LRRC7: variants seen among roughly 807,000 people sequenced by gnomAD.
LRRC7 encodes leucine rich repeat containing 7.
LRRC7 carries 23 observed loss-of-function variants against 175.7 expected under a neutral mutation model. The ratio of observed to expected loss-of-function variants is 0.13; its 90% CI spans 0.09 to 0.19. The LOEUF (loss-of-function observed/expected upper bound fraction) is 0.19. Among genes scored for constraint, LRRC7 ranks in the 10% least tolerant of loss-of-function variants. The pLI is 1.00. For synonymous variants in LRRC7, 685 were observed against 680.9 expected, an observed-to-expected ratio of 1.01 and a Z score of -0.09; for missense variants, 1,354 against 1,904.7, an observed-to-expected ratio of 0.71 and a Z score of 5.38.
chr1:70,066,668 A>G (rs949237739), intron 23 of LRRC7, among the ~76,000 whole-genome samples: 36 of 152,086 alleles, frequency 2.4e-4, no homozygotes, highest in Non-Finnish European at 7.4e-5. Context: ...TATGGCTACT[A>G]TGAAGAAAAT....
chr1:69,937,571 C>A (rs944529788), intron 8 of LRRC7, among the ~76,000 whole-genome samples: 1 of 151,940 alleles, frequency 6.6e-6, no homozygotes, highest in Non-Finnish European at 1.5e-5. Flanking sequence ...TTGTAAAAAT[C>A]TGTACTCATT....
intron 3 of LRRC7, among the ~76,000 whole-genome samples, chr1:69,785,836 G>GA (rs1434895858): frequency 6.6e-6 from 1 of 152,022 alleles, no homozygotes; most frequent in Non-Finnish European, 1.5e-5. Context: ...CAACAATTCT[G>GA]AAATTCCTCC....
chr1:69,646,281 G>T (rs903384604), intron 1 of LRRC7, among the ~76,000 whole-genome samples: 7 of 151,956 alleles, frequency 4.6e-5, no homozygotes, highest in Non-Finnish European at 1.5e-5. Context: ...AAATAGATAT[G>T]AGAGTCTGAT....
At chr1:69,886,675 G>T (rs1052351731) in intron 7 of LRRC7, among the ~76,000 whole-genome samples, 7 of 147,248 alleles carry the variant, frequency 4.8e-5, no homozygotes, top group East Asian at 2.0e-4. Context: ...GTTAGCTGGT[G>T]ATTTTGCTCA....
chr1:69,806,272 C>T (rs925334437), intron 4 of LRRC7, among the ~76,000 whole-genome samples: 4 of 151,926 alleles, frequency 2.6e-5, no homozygotes, highest in African/African-American at 9.7e-5. Context: ...ACATAAAAGA[C>T]TCAATGTGTT....
intron 22 of LRRC7, among the ~76,000 whole-genome samples, chr1:70,048,226 G>C (rs1439137088): frequency 6.6e-6 from 1 of 152,060 alleles, no homozygotes; most frequent in Non-Finnish European, 1.5e-5. Context: ...TTTCCACTGG[G>C]AGAATAATAA....
chr1:69,569,559 ATC>A, intron 1 of LRRC7, among the ~76,000 whole-genome samples: 2 of 141,944 alleles, frequency 1.4e-5, no homozygotes, highest in Admixed American at 7.4e-5. Flanking sequence ...GTGGTCTCTA[ATC>A]TTACTGTTTG....
At chr1:69,887,044 C>G (rs1488612276) in intron 7 of LRRC7, among the ~76,000 whole-genome samples, 1 of 150,534 alleles carries the variant, frequency 6.6e-6, no homozygotes, top group African/African-American at 2.4e-5. Context: ...TCTGGCTGCC[C>G]TTAACATTTT....
chr1:69,692,163 C>T (rs768193813), intron 2 of LRRC7, among the ~76,000 whole-genome samples: 2 of 152,154 alleles, frequency 1.3e-5, no homozygotes, highest in Non-Finnish European at 2.9e-5. Flanking sequence ...ACAAAACTTA[C>T]AGCAGTGAGG....
At chr1:69,593,185 TA>T (rs1273587328) in intron 1 of LRRC7, among the ~76,000 whole-genome samples, 1 of 152,010 alleles carries the variant, frequency 6.6e-6, no homozygotes. Flanking sequence ...TAATGAAACA[TA>T]AAAAAGAACA....
intron 7 of LRRC7, among the ~76,000 whole-genome samples, chr1:69,884,878 T>C (rs1329707937): frequency 6.9e-6 from 1 of 144,090 alleles, no homozygotes; most frequent in Non-Finnish European, 1.5e-5. Context: ...GATAATCATG[T>C]GGTTTTTGTC....
intron 7 of LRRC7, among the ~76,000 whole-genome samples, chr1:69,851,439 A>T (rs1348947100): frequency 1.3e-5 from 2 of 152,154 alleles, no homozygotes; most frequent in Non-Finnish European, 2.9e-5. Context: ...AAAGGAATTA[A>T]TGATGCAGAA....
intron 23 of LRRC7, among the ~76,000 whole-genome samples, chr1:70,062,615 A>G (rs1322942617): frequency 3.3e-5 from 5 of 152,094 alleles, no homozygotes; most frequent in Non-Finnish European, 7.4e-5. Flanking sequence ...ACCAAAGTAC[A>G]TGACCTGGAG....
chr1:69,848,997 A>G (rs1214192608), intron 7 of LRRC7, among the ~76,000 whole-genome samples: 1 of 152,062 alleles, frequency 6.6e-6, no homozygotes, highest in African/African-American at 2.4e-5. Context: ...TTTATATTGC[A>G]TATACCCCAA....
At chr1:69,882,995 T>G (rs1686792402) in intron 7 of LRRC7, among the ~76,000 whole-genome samples, 1 of 152,254 alleles carries the variant, frequency 6.6e-6, no homozygotes, top group Non-Finnish European at 1.5e-5. Flanking sequence ...TGCCACATTT[T>G]CTTAATCCAG....
intron 2 of LRRC7, among the ~76,000 whole-genome samples, chr1:69,729,432 G>A (rs1280344845): frequency 6.6e-6 from 1 of 152,146 alleles, no homozygotes; most frequent in Non-Finnish European, 1.5e-5. Flanking sequence ...GGGGGTACAG[G>A]TATTATGTAA....
At position 70,135,908 on chromosome 1, in the gene LRRC7, C is replaced by T. The variant is rs910703895; in HGVS notation, c.*14021C>T. Among the ~76,000 whole-genome samples the T allele has an allele frequency of 3.3e-5, 5 of 152,178 alleles. No homozygotes were observed. Among genetic ancestry groups the T allele is most frequent in the African/African-American group, 1.2e-4 (5 of 41,432 alleles). ...TGCACTTGATAGGTTCTCACAGTCT[C>T]ATTATGATCAAGACAGATATTCTAG... On this transcript the variant is annotated 3_prime_UTR_variant, in exon 27 of 27. Coordinates refer to ENST00000651989, the MANE Select transcript of LRRC7 (RefSeq NM_001370785.2).
chr1:69,978,933 A>AG (rs1491445587), intron 8 of LRRC7, among the ~76,000 whole-genome samples: 1 of 5,308 alleles, frequency 1.9e-4, no homozygotes, highest in Non-Finnish European at 4.4e-4. Context: ...TTTCAGTTAG[A>AG]AAAAAAAAAA....
chr1:69,687,879 G>A (rs1159610506), intron 2 of LRRC7, among the ~76,000 whole-genome samples: 2 of 152,098 alleles, frequency 1.3e-5, no homozygotes, highest in Admixed American at 6.5e-5. Context: ...TACCTTCATA[G>A]TAGAAGCCAT....
Sources: gnomAD v4.1 joint callset for allele counts (sites outside exome capture counted in the v4.1 genomes callset) on GRCh38, gnomAD v4.1.1 for gene constraint, MANE v1.5 for transcripts, NCBI Gene and HGNC (gene_info 2026-07-23, HGNC 2026-07-21) for gene names.